Variants in GLT1D1 observed in about 807,000 individuals in gnomAD.
GLT1D1 encodes the protein glycosyltransferase 1 domain-containing protein 1.
In GLT1D1, 21 loss-of-function variants were observed where a neutral mutation model predicts 28.7. That is an observed-to-expected ratio of 0.73 (90% CI 0.52 to 1.05). The LOEUF is 1.05. Among genes scored for constraint, GLT1D1 ranks in the 50% least tolerant of loss-of-function variants. The probability of loss-of-function intolerance (pLI) is 0.00; values close to 1 mark genes in which losing one functional copy is unlikely to be tolerated. For missense variants in GLT1D1, 343 were observed against 330.6 expected, an observed-to-expected ratio of 1.04 and a Z score of -0.29; for synonymous variants, 147 against 124.8, an observed-to-expected ratio of 1.18 and a Z score of -1.19.
intron 7 of GLT1D1, among the ~76,000 whole-genome samples, chr12:128,967,842 C>T (rs1471299923): frequency 2.6e-5 from 4 of 152,206 alleles, no homozygotes; most frequent in Admixed American, 2.6e-4. Context: ...TGTGTAAGCA[C>T]CAGCCCGTGC....
chr12:128,855,001 G>A (rs1593034917), intron 1 of GLT1D1, among the ~76,000 whole-genome samples: 1 of 152,110 alleles, frequency 6.6e-6, no homozygotes, highest in Non-Finnish European at 1.5e-5. Context: ...TAGCAGTGAG[G>A]AGCCCTTTGT....
rs1872157468 is a variant in GLT1D1 at position 128,916,846 on chromosome 12, GA to G, written c.375+17561del. On this transcript the variant is annotated intron_variant, in intron 4 of 7. Transcript: ENST00000281703. The stretch of plus-strand genomic sequence containing the variant: ...GAGCAGAAGAGGCTTAAATTTTATT[GA>G]AGTCGAGTTTATCAAACTTTTTCTT... 3.9e-5 allele frequency among the ~76,000 whole-genome samples: 6 copies of G among 152,166 alleles called. No homozygotes were observed. The South Asian group carries it at 1.2e-3, about 32-fold the overall frequency.
chr12:128,895,678 C>T (rs1234857247), intron 3 of GLT1D1, among the ~76,000 whole-genome samples: 5 of 152,022 alleles, frequency 3.3e-5, no homozygotes, highest in Non-Finnish European at 7.4e-5. Flanking sequence ...GCTGGTCTCT[C>T]AAACTCCTAA....
chr12:128,931,611 C>G (rs915545033), intron 4 of GLT1D1, among the ~76,000 whole-genome samples: 7 of 152,070 alleles, frequency 4.6e-5, no homozygotes, highest in Non-Finnish European at 7.4e-5. Flanking sequence ...CCTGGCCCCC[C>G]TTTTACTACT....
intron 2 of GLT1D1, among the ~76,000 whole-genome samples, chr12:128,877,987 C>T (rs185054649): frequency 6.6e-6 from 1 of 152,336 alleles, no homozygotes; most frequent in African/African-American, 2.4e-5. Flanking sequence ...TGAGTGTCCT[C>T]ACGATGTGAT....
At chr12:128,864,701 G>C (rs1423111433) in intron 1 of GLT1D1, among the ~76,000 whole-genome samples, 1 of 152,192 alleles carries the variant, frequency 6.6e-6, no homozygotes, top group Non-Finnish European at 1.5e-5. Context: ...GGGCATATTT[G>C]ATGCTGCCTG....
At chr12:128,879,295 G>T (rs1276781589) in intron 2 of GLT1D1, among the ~76,000 whole-genome samples, 1 of 151,908 alleles carries the variant, frequency 6.6e-6, no homozygotes, top group Non-Finnish European at 1.5e-5. Flanking sequence ...TCTTCCTGAT[G>T]TTCTCCCTCT....
rs188375959 is a variant in GLT1D1, at chr12:128,972,284, C to T, written c.640-10645C>T. On this transcript the variant is annotated intron_variant, in intron 7 of 7. Transcript: ENST00000281703. The stretch of plus-strand genomic sequence containing the variant: ...ACCGCCCATGCGGTCACTCAGAGCC[C>T]AGGCTCCTTCCATGGCCTGGCTCCA... Among the ~76,000 whole-genome samples the T allele has an allele frequency of 1.1e-3, 170 of 152,390 alleles. 1 individual carries two copies. Among genetic ancestry groups the T allele is most frequent in the Non-Finnish European group, 1.8e-3 (121 of 68,048 alleles).
chr12:128,861,713 A>T (rs1414244370), intron 1 of GLT1D1, among the ~76,000 whole-genome samples: 1 of 152,210 alleles, frequency 6.6e-6, no homozygotes, highest in Admixed American at 6.5e-5. Context: ...ATGGGGGCAG[A>T]TCGGAGCACT....
intron 3 of GLT1D1, among the ~76,000 whole-genome samples, chr12:128,896,536 T>C (rs148125922): frequency 0.013 from 1,919 of 151,760 alleles, 126 homozygotes; most frequent in Admixed American, 0.1. Flanking sequence ...TATATTTTCA[T>C]TGTTATTATT....
chr12:128,935,153 C>T (rs1874409636), intron 4 of GLT1D1, among the ~76,000 whole-genome samples: 1 of 152,240 alleles, frequency 6.6e-6, no homozygotes, highest in South Asian at 2.1e-4. Flanking sequence ...CTGGCCATTT[C>T]TGGGCGCAGC....
At chr12:128,962,124 G>A (rs1175263214) in intron 7 of GLT1D1, among the ~76,000 whole-genome samples, 1 of 151,860 alleles carries the variant, frequency 6.6e-6, no homozygotes, top group Non-Finnish European at 1.5e-5. Flanking sequence ...AGCCCCGTGT[G>A]TGTGCCCCTG....
intron 6 of GLT1D1, among the ~76,000 whole-genome samples, chr12:128,952,151 G>A (rs1208370395): frequency 2.6e-5 from 4 of 152,014 alleles, no homozygotes; most frequent in Non-Finnish European, 5.9e-5. Context: ...TGTGAGGGAC[G>A]GAAAGAAGGA....
intron 5 of GLT1D1, among the ~76,000 whole-genome samples, chr12:128,946,002 GC>G (rs137892047): frequency 2.4e-4 from 37 of 152,272 alleles, no homozygotes; most frequent in African/African-American, 8.9e-4. Flanking sequence ...TGTCTTCACA[GC>G]CCCCCAGGAT....
chr12:128,906,025 A>T (rs1215932953), intron 4 of GLT1D1, among the ~76,000 whole-genome samples: 6 of 148,082 alleles, frequency 4.1e-5, no homozygotes, highest in Admixed American at 3.4e-4. Flanking sequence ...TTTTTTGTGG[A>T]GATAAGGTCT....
chr12:128,869,939 AT>A (rs35487977), intron 1 of GLT1D1, among the ~76,000 whole-genome samples: 100,969 of 125,198 alleles, frequency 0.81, 40,742 homozygotes, highest in Non-Finnish European at 0.89. Flanking sequence ...TGTGTATTCT[AT>A]TTTTTTTTTT....
At chr12:128,926,230 A>AAG (rs1555269775) in intron 4 of GLT1D1, 129 bp from the exon 7 acceptor site, 49 of 244,838 alleles carry the variant, frequency 2.0e-4, no homozygotes, top group African/African-American at 9.2e-4. Flanking sequence ...TAATAATAAT[A>AAG]ATAATAAGAG....
At chr12:128,955,347 G>A (rs1877164743) in intron 6 of GLT1D1, among the ~76,000 whole-genome samples, 1 of 152,042 alleles carries the variant, frequency 6.6e-6, no homozygotes, top group Admixed American at 6.6e-5. Flanking sequence ...CAAATCATCT[G>A]AAAGAAGGTG....
chr12:128,953,134 G>A (rs1414257618), intron 6 of GLT1D1, among the ~76,000 whole-genome samples: 1 of 152,070 alleles, frequency 6.6e-6, no homozygotes, highest in African/African-American at 2.4e-5. Flanking sequence ...CTTCTCTGAA[G>A]AACTATCTAG....
Sources: allele counts gnomAD v4.1 joint callset (sites outside exome capture counted in the v4.1 genomes callset), GRCh38; gene constraint gnomAD v4.1.1; transcripts MANE v1.5; gene names NCBI Gene and HGNC (gene_info 2026-07-23, HGNC 2026-07-21).